SAMD12: variants seen among roughly 807,000 people sequenced by gnomAD.
SAMD12 encodes the protein sterile alpha motif domain containing 12.
In SAMD12, 9 loss-of-function variants were observed where a neutral mutation model predicts 15.0. The ratio of observed to expected loss-of-function variants is 0.60; its 90% CI spans 0.36 to 1.05. The LOEUF (loss-of-function observed/expected upper bound fraction) is 1.05. Ranked by LOEUF, SAMD12 falls within the 50% of genes least tolerant of loss-of-function variation. The pLI, the probability that SAMD12 is intolerant of heterozygous loss-of-function variation, is 0.01. For missense variants in SAMD12, 230 were observed against 234.2 expected, an observed-to-expected ratio of 0.98 and a Z score of 0.12; for synonymous variants, 86 against 90.1, an observed-to-expected ratio of 0.96 and a Z score of 0.25.
the SAMD12 span, among the ~76,000 whole-genome samples, chr8:118,166,984 T>C: frequency 4.6e-5 from 7 of 152,118 alleles, 1 homozygote; most frequent in African/African-American, 1.7e-4. Context: ...TTCCCTCCAT[T>C]GCACAGCCAG....
At chr8:118,340,342 AG>A (rs5894424) in intron 4 of SAMD12, among the ~76,000 whole-genome samples, 85,717 of 152,090 alleles carry the variant, frequency 0.56, 24,346 homozygotes, top group East Asian at 0.67. Flanking sequence ...TACCTTGCCA[AG>A]GGGGCCCATG....
At chr8:118,320,336 AG>A (rs1816165817) in intron 4 of SAMD12, among the ~76,000 whole-genome samples, 1 of 152,156 alleles carries the variant, frequency 6.6e-6, no homozygotes, top group African/African-American at 2.4e-5. Context: ...GTGAGAAAGG[AG>A]GGCAAAAGCT....
intron 4 of SAMD12, among the ~76,000 whole-genome samples, chr8:118,346,782 G>A (rs974232397): frequency 1.3e-5 from 2 of 152,218 alleles, no homozygotes; most frequent in African/African-American, 4.8e-5. Context: ...AATCAGGCAT[G>A]AGCCAACAAG....
At chr8:118,174,391 G>A in the SAMD12 span, among the ~76,000 whole-genome samples, 3 of 152,168 alleles carry the variant, frequency 2.0e-5, no homozygotes, top group South Asian at 2.1e-4. Context: ...GACAAGAGGT[G>A]TTCAAGGCAC....
At chr8:118,435,304 A>T (rs2130879132) in intron 3 of SAMD12, among the ~76,000 whole-genome samples, 1 of 152,286 alleles carries the variant, frequency 6.6e-6, no homozygotes, top group East Asian at 1.9e-4. Flanking sequence ...ATTATTATTA[A>T]TCGTTCTATT....
chr8:118,321,084 A>T (rs1406012160), intron 4 of SAMD12, among the ~76,000 whole-genome samples: 3 of 127,420 alleles, frequency 2.4e-5, no homozygotes, highest in African/African-American at 3.4e-5. Flanking sequence ...GTTGATGAAT[A>T]CATATATAAT....
At chr8:118,312,712 C>T (rs1397927023) in intron 4 of SAMD12, among the ~76,000 whole-genome samples, 1 of 151,508 alleles carries the variant, frequency 6.6e-6, no homozygotes, top group Admixed American at 6.6e-5. Context: ...AATACAACAA[C>T]CTTTTGGATA....
intron 3 of SAMD12, among the ~76,000 whole-genome samples, chr8:118,419,284 T>TG (rs947873623): frequency 3.9e-5 from 6 of 152,000 alleles, no homozygotes; most frequent in African/African-American, 1.5e-4. Context: ...TTTCTTTTTT[T>TG]TGTCGTTTTT....
intron 2 of SAMD12, among the ~76,000 whole-genome samples, chr8:118,543,394 T>C: frequency 6.6e-6 from 1 of 152,148 alleles, no homozygotes; most frequent in East Asian, 1.9e-4. Flanking sequence ...GTAGAAGAGC[T>C]CCCTTCATTT....
the SAMD12 span, among the ~76,000 whole-genome samples, chr8:118,148,921 T>C: frequency 6.6e-6 from 1 of 152,248 alleles, no homozygotes; most frequent in East Asian, 1.9e-4. Context: ...ATTTTGCTTA[T>C]CCATTCACCA....
chr8:118,561,663 G>A (rs1162498372), intron 2 of SAMD12, among the ~76,000 whole-genome samples: 7 of 152,106 alleles, frequency 4.6e-5, no homozygotes, highest in South Asian at 2.1e-4. Context: ...AGAACAGCAC[G>A]GAGATAACCA....
At chr8:118,175,057 C>CAA in the SAMD12 span, among the ~76,000 whole-genome samples, 8 of 141,664 alleles carry the variant, frequency 5.6e-5, no homozygotes, top group African/African-American at 2.1e-4. Context: ...ACAAAAAAAA[C>CAA]AAACAAAAAC....
At chr8:118,182,100 C>T in the SAMD12 span, among the ~76,000 whole-genome samples, 5 of 152,228 alleles carry the variant, frequency 3.3e-5, no homozygotes, top group South Asian at 1.0e-3. Context: ...TATTTGAAAA[C>T]CTTTATTGCA....
At chr8:118,553,727 C>T (rs1303639968) in intron 2 of SAMD12, among the ~76,000 whole-genome samples, 2 of 151,530 alleles carry the variant, frequency 1.3e-5, no homozygotes, top group Non-Finnish European at 2.9e-5. Flanking sequence ...AAAGAAACTG[C>T]CATCAGAGTG....
the SAMD12 span, among the ~76,000 whole-genome samples, chr8:118,177,978 C>A: frequency 1.3e-5 from 2 of 152,154 alleles, no homozygotes; most frequent in African/African-American, 4.8e-5. Context: ...AACCACTGTT[C>A]CTATGCTGAA....
In SAMD12 at chr8:118,439,953, C is replaced by T. The variant is rs144756754; in HGVS notation, c.201G>A (p.Thr67=). 20 of 1,613,402 alleles carry T rather than the reference C, an allele frequency of 1.2e-5. No homozygotes were observed. The African/African-American group carries it at 1.7e-4, about 14-fold the overall frequency. The part of the protein sequence containing the change: ...QAEAETAKSA[T]VKLSKPVALW... The stretch of plus-strand genomic sequence containing the variant: ...GAGCCACCGGTTTAGATAGCTTCAC[C>T]GTAGCTGACTATAAATAAAGAAGGA... The change falls in exon 3 of 4, where the codon ACG becomes ACA. Residue 67 remains threonine, a synonymous_variant. Coordinates refer to ENST00000314727, the MANE Select transcript of SAMD12 (RefSeq NM_207506.3).
chr8:118,287,156 G>A lies in SAMD12; in HGVS notation c.434-89424C>T, dbSNP rs571851067. Among the ~76,000 whole-genome samples, 19 of 142,314 alleles carry A rather than the reference G, an allele frequency of 1.3e-4. No individual in the cohort carries two copies. The East Asian group carries it at 2.2e-3, about 17-fold the overall frequency. The allele number at this position is 142,314 out of a possible 152,430, so 93.4% of individuals were successfully genotyped here. ...TTTTTTTTTTTTGAGACGGAGTCTCGCTCTTTCGCCCAGGCCGGACTACAG... is the reference window on the plus strand; with the variant it reads ...TTTTTTTTTTTTGAGACGGAGTCTCACTCTTTCGCCCAGGCCGGACTACAG... On this transcript the variant is annotated intron_variant, in intron 4 of 4. Transcript: ENST00000409003.
intron 4 of SAMD12, among the ~76,000 whole-genome samples, chr8:118,256,519 C>A (rs1300880426): frequency 6.6e-6 from 1 of 151,892 alleles, no homozygotes; most frequent in Non-Finnish European, 1.5e-5. Context: ...ATCAGAAAAA[C>A]CATTCTCCAA....
intron 4 of SAMD12, among the ~76,000 whole-genome samples, chr8:118,260,723 G>C (rs1239606490): frequency 6.6e-6 from 1 of 151,996 alleles, no homozygotes; most frequent in Non-Finnish European, 1.5e-5. Flanking sequence ...CCACCTCCTT[G>C]GCAGGCTATC....
Sources: allele counts gnomAD v4.1 joint callset (sites outside exome capture counted in the v4.1 genomes callset), GRCh38; gene constraint gnomAD v4.1.1; transcripts MANE v1.5; gene names NCBI Gene and HGNC (gene_info 2026-07-23, HGNC 2026-07-21).